The following TMC3 variants were observed in gnomAD, a reference collection of about 807,000 sequenced individuals.
TMC3 encodes transmembrane channel like 3.
A neutral mutation model predicts 110.6 loss-of-function variants in TMC3; 98 were observed. The ratio of observed to expected loss-of-function variants is 0.89; its 90% CI spans 0.75 to 1.05. The LOEUF is 1.05. Ranked by LOEUF, TMC3 falls within the 50% of genes least tolerant of loss-of-function variation. The probability of loss-of-function intolerance (pLI) is 0.00; values close to 1 mark genes in which losing one functional copy is unlikely to be tolerated. For synonymous variants in TMC3, 489 were observed against 513.1 expected, an observed-to-expected ratio of 0.95 and a Z score of 0.63; for missense variants, 1,319 against 1,373.2, an observed-to-expected ratio of 0.96 and a Z score of 0.62.
intron 13 of TMC3, 83 bp downstream of exon 13, chr15:81,344,682 TA>T (rs1389291220): frequency 1.0e-5 from 14 of 1,354,960 alleles, no homozygotes; most frequent in Non-Finnish European, 1.4e-5. Context: ...TTCTATAACA[TA>T]GGGGCAGTGA....
chr15:81,368,462 A>C, intron 2 of TMC3, 134 bp from the exon 3 acceptor site: 1 of 628,262 alleles, frequency 1.6e-6, no homozygotes, highest in Non-Finnish European at 2.9e-6. Flanking sequence ...CCATGAGAGA[A>C]TGGAGTTACA....
rs1893471041 is a variant in TMC3 at position 81,331,921 on chromosome 15, G to C, written c.*498C>G. The C allele has an allele frequency of 6.5e-6, 1 of 153,802 alleles. No individual in the cohort carries two copies. The highest frequency in any genetic ancestry group is 2.4e-5 in the African/African-American group (1 of 41,352). The allele number at this position is 153,802 out of a possible 1,614,324, so 9.5% of individuals were successfully genotyped here. On this transcript the variant is annotated 3_prime_UTR_variant, in exon 22 of 22. Coordinates refer to ENST00000359440, the MANE Select transcript of TMC3 (RefSeq NM_001080532.3). ...GGAAGAAAGGGAAGAATCGTGGGGA[G>C]AAGCAACGCAAGACCCCGGAAGCAT...
At chr15:81,341,365 A>T in intron 16 of TMC3, 25 bp downstream of exon 16, 1 of 1,597,426 alleles carries the variant, frequency 6.3e-7, no homozygotes. Context: ...AGTTATCTGC[A>T]TGATCAGATC....
chr15:81,344,588 T>C (rs1373240778), intron 13 of TMC3, among the ~76,000 whole-genome samples, 178 bp downstream of exon 13: 1 of 152,216 alleles, frequency 6.6e-6, no homozygotes, highest in Non-Finnish European at 1.5e-5. Context: ...ATGCGGTCAA[T>C]ATTGGCTGAA....
chr15:81,365,579 G>A (rs1894293335), intron 3 of TMC3, among the ~76,000 whole-genome samples: 1 of 150,440 alleles, frequency 6.6e-6, no homozygotes, highest in Admixed American at 6.6e-5. Flanking sequence ...GCTGAGACAG[G>A]AGAATCCCTT....
At chr15:81,359,315 C>G (rs750033816) in intron 5 of TMC3, 50 bp downstream of exon 5, 7 of 1,328,782 alleles carry the variant, frequency 5.3e-6, no homozygotes, top group Non-Finnish European at 6.3e-6. Flanking sequence ...TATGCGACTG[C>G]TGTAATGTCT....
intron 2 of TMC3, among the ~76,000 whole-genome samples, chr15:81,369,113 A>C (rs923715847): frequency 6.6e-6 from 1 of 151,932 alleles, no homozygotes; most frequent in Non-Finnish European, 1.5e-5. Context: ...GATTATGTTC[A>C]GTGTTGAAAA....
In TMC3 at chr15:81,333,278, G is replaced by A. The variant is rs1194741958; in HGVS notation, c.2460-16C>T. 3.8e-6 allele frequency: 6 copies of A among 1,584,464 alleles called. No individual in the cohort carries two copies. The highest frequency in any genetic ancestry group is 4.5e-5 in the East Asian group (2 of 44,654). On this transcript the variant is annotated splice_polypyrimidine_tract_variant and intron_variant, in intron 21 of 21. Coordinates refer to ENST00000359440, the MANE Select transcript of TMC3 (RefSeq NM_001080532.3). ...GTGCAGATACCTGTAAGACAGGGGC[G>A]GTTAAGTAGCTGTGGCCTTGGTGGT...
intron 3 of TMC3, among the ~76,000 whole-genome samples, chr15:81,364,184 A>G: frequency 6.6e-6 from 1 of 152,090 alleles, no homozygotes; most frequent in Middle Eastern, 3.2e-3. Flanking sequence ...CCACCCCATC[A>G]GTAGTGCTTG....
At chr15:81,343,017 TCTA>T in intron 15 of TMC3, 1 of 404,806 alleles carries the variant, frequency 2.5e-6, no homozygotes, top group South Asian at 4.1e-5. Flanking sequence ...AAGAGTGTAT[TCTA>T]CTGGTTTCTG....
At chr15:81,348,712 A>G (rs1893877807) in intron 11 of TMC3, among the ~76,000 whole-genome samples, 1 of 152,194 alleles carries the variant, frequency 6.6e-6, no homozygotes, top group South Asian at 2.1e-4. Context: ...GAAAAACAAC[A>G]TGGGTCCCTC....
At chr15:81,349,759 CTTTTTTTT>C (rs532576010) in intron 10 of TMC3, among the ~76,000 whole-genome samples, 192 bp from the exon 11 acceptor site, 1 of 129,482 alleles carries the variant, frequency 7.7e-6, no homozygotes, top group Non-Finnish European at 1.6e-5. Flanking sequence ...TTATCATGGT[CTTTTTTTT>C]TTTTTTTTTT....
chr15:81,338,536 T>C, intron 18 of TMC3, 119 bp downstream of exon 18: 1 of 1,366,950 alleles, frequency 7.3e-7, no homozygotes, highest in Non-Finnish European at 9.9e-7. Flanking sequence ...ATCATCAGGC[T>C]CTAAGCCTAA....
chr15:81,349,600 TC>T, intron 10 of TMC3, 33 bp from the exon 11 acceptor site: 3 of 1,323,184 alleles, frequency 2.3e-6, no homozygotes, highest in South Asian at 2.0e-5. Context: ...AGCCAGACAT[TC>T]CCAGGACCCC....
At chr15:81,358,868 G>A (rs1407620243) in intron 5 of TMC3, among the ~76,000 whole-genome samples, 2 of 152,114 alleles carry the variant, frequency 1.3e-5, no homozygotes, top group African/African-American at 4.8e-5. Flanking sequence ...GATACATCAT[G>A]CTATGGTGAG....
At chr15:81,373,161 T>C (rs1894475847) in intron 1 of TMC3, among the ~76,000 whole-genome samples, 1 of 152,226 alleles carries the variant, frequency 6.6e-6, no homozygotes, top group East Asian at 1.9e-4. Flanking sequence ...GGACTCCTTA[T>C]GTTACTTGAA....
chr15:81,366,736 T>C (rs1894325697), intron 3 of TMC3, among the ~76,000 whole-genome samples: 1 of 152,136 alleles, frequency 6.6e-6, no homozygotes, highest in African/African-American at 2.4e-5. Flanking sequence ...AAAAACAGAT[T>C]AGAATTGTAA....
chr15:81,351,540 TG>T (rs1893950355), intron 10 of TMC3, among the ~76,000 whole-genome samples, 153 bp downstream of exon 10: 1 of 151,810 alleles, frequency 6.6e-6, no homozygotes, highest in Non-Finnish European at 1.5e-5. Context: ...TTGGTAGAGA[TG>T]GGGTTTCATC....
In TMC3 at chr15:81,332,956, G is replaced by C. The variant is rs1200292597; in HGVS notation, c.2766C>G (p.Pro922=). The change falls in exon 22 of 22, where the codon CCC becomes CCG. Residue 922 remains proline, a synonymous_variant. Transcript: ENST00000359440. ...DASGDIVELY[P]RNVRQYASRV... ...GGGATGCATATTGTCGCACGTTCCT[G>C]GGGTACAGCTCCACAATGTCACCTG... 1 of 1,612,574 alleles carries C rather than the reference G, an allele frequency of 6.2e-7. No homozygotes were observed. Among genetic ancestry groups the C allele is most frequent in the Non-Finnish European group, 8.5e-7 (1 of 1,179,292 alleles).
Sources: allele counts gnomAD v4.1 joint callset (sites outside exome capture counted in the v4.1 genomes callset), GRCh38; gene constraint gnomAD v4.1.1; transcripts MANE v1.5; gene names NCBI Gene and HGNC (gene_info 2026-07-23, HGNC 2026-07-21).